GALK2: variants seen among roughly 807,000 people sequenced by gnomAD.
GALK2 encodes N-acetylgalactosamine kinase.
GALK2 carries 36 observed loss-of-function variants against 52.4 expected under a neutral mutation model. That is an observed-to-expected ratio of 0.69 (90% CI 0.53 to 0.91). The LOEUF is 0.91. GALK2 is among the 40% of genes least tolerant of loss of function. GALK2 has a pLI of 0.00. For missense variants in GALK2, 579 were observed against 559.1 expected, an observed-to-expected ratio of 1.04 and a Z score of -0.36; for synonymous variants, 176 against 199.1, an observed-to-expected ratio of 0.88 and a Z score of 0.98.
intron 2 of GALK2, among the ~76,000 whole-genome samples, chr15:49,208,880 GGACAAAGCCTTTTTACCATT>G (rs2088557240): frequency 6.6e-6 from 1 of 152,078 alleles, no homozygotes; most frequent in Non-Finnish European, 1.5e-5. Context: ...TTTTCCTGTT[GGACAAAGCCTTTTTACCATT>G]GTATAATATC....
intron 2 of GALK2, among the ~76,000 whole-genome samples, chr15:49,211,795 A>G (rs2088918294): frequency 6.6e-6 from 1 of 152,134 alleles, no homozygotes; most frequent in Non-Finnish European, 1.5e-5. Context: ...TATCATGAGA[A>G]CCACACTCAG....
chr15:49,281,070 C>T (rs774513504), intron 5 of GALK2, among the ~76,000 whole-genome samples: 5 of 152,106 alleles, frequency 3.3e-5, no homozygotes, highest in African/African-American at 4.8e-5. Flanking sequence ...CTCTTGACCT[C>T]GTGATCCGCC....
chr15:49,355,499 GATGAAATGA>G (rs2042996242), intron 3 of GALK2, among the ~76,000 whole-genome samples: 2 of 152,264 alleles, frequency 1.3e-5, no homozygotes, highest in African/African-American at 4.8e-5. Flanking sequence ...AGCGATGGAA[GATGAAATGA>G]ATGAAATGAA....
chr15:49,215,965 C>G (rs2089333461), intron 2 of GALK2, among the ~76,000 whole-genome samples: 1 of 152,216 alleles, frequency 6.6e-6, no homozygotes, highest in South Asian at 2.1e-4. Flanking sequence ...AGGAGGTGCT[C>G]TAAGCCCAGG....
At chr15:49,300,966 C>T (rs936042699) in intron 8 of GALK2, among the ~76,000 whole-genome samples, 6 of 152,240 alleles carry the variant, frequency 3.9e-5, no homozygotes, top group African/African-American at 1.4e-4. Context: ...TTTTTGTTTC[C>T]ATGTTTAACA....
At chr15:49,245,902 T>C (rs2091324759) in intron 5 of GALK2, among the ~76,000 whole-genome samples, 1 of 152,206 alleles carries the variant, frequency 6.6e-6, no homozygotes. Context: ...TTAATATGGT[T>C]GTTAACAAGC....
chr15:49,217,399 C>A, intron 3 of GALK2, 86 bp downstream of exon 3: 1 of 1,275,534 alleles, frequency 7.8e-7, no homozygotes, highest in Non-Finnish European at 1.1e-6. Flanking sequence ...AAATTTGTAA[C>A]AGGTCATTTA....
chr15:49,221,636 C>T (rs1409962795), intron 3 of GALK2, among the ~76,000 whole-genome samples: 1 of 151,508 alleles, frequency 6.6e-6, no homozygotes, highest in African/African-American at 2.4e-5. Context: ...CACTGCACTC[C>T]AGCCTGGGCA....
intron 3 of GALK2, among the ~76,000 whole-genome samples, chr15:49,228,681 A>ATTTTTTTTTTTTTTTTTTTTTT (rs1566957908): frequency 1.0e-4 from 1 of 9,658 alleles, no homozygotes; most frequent in Non-Finnish European, 2.2e-4. Flanking sequence ...ATATATATAT[A>ATTTTTTTTTTTTTTTTTTTTTT]TATATATTTT....
intron 1 of GALK2, chr15:49,170,689 C>T: frequency 6.7e-6 from 1 of 149,500 alleles, no homozygotes; most frequent in Non-Finnish European, 1.2e-5. Context: ...ACACTGAACT[C>T]CTCTCTTTGT....
chr15:49,362,605 C>T (rs551490383), intron 3 of GALK2, among the ~76,000 whole-genome samples: 5 of 152,244 alleles, frequency 3.3e-5, no homozygotes, highest in South Asian at 4.1e-4. Context: ...TCTTTTGCTG[C>T]GCAGAAGGTC....
intron 8 of GALK2, among the ~76,000 whole-genome samples, chr15:49,297,888 G>T (rs570623481): frequency 6.6e-6 from 1 of 151,550 alleles, no homozygotes; most frequent in Non-Finnish European, 1.5e-5. Flanking sequence ...CCTTAGGATT[G>T]CTTTGGCTAT....
Position 49,328,999 on chromosome 15 carries a change from T to C in GALK2, c.*840T>C, listed in dbSNP as rs1034521351. 9.7e-7 allele frequency: 1 copy of C among 1,028,118 alleles called. No individual in the cohort carries two copies. Among genetic ancestry groups the C allele is most frequent in the Non-Finnish European group, 1.2e-6 (1 of 856,736 alleles). 63.7% of individuals were successfully genotyped at this position (1,028,118 alleles called of 1,614,324 possible). ...TAATTCAGATAATTCAGTTTGTTCA[T>C]AGAATTACTTTCTTATCACTCTTTT... On this transcript the variant is annotated 3_prime_UTR_variant, in exon 10 of 10. Coordinates refer to ENST00000560031, the MANE Select transcript of GALK2 (RefSeq NM_002044.4).
At chr15:49,160,308 T>C (rs554978448) in intron 1 of GALK2, among the ~76,000 whole-genome samples, 3 of 152,220 alleles carry the variant, frequency 2.0e-5, no homozygotes, top group African/African-American at 7.2e-5. Context: ...AATAATTCCC[T>C]ATCATTCAAT....
chr15:49,302,282 G>A (rs555359113), intron 8 of GALK2, among the ~76,000 whole-genome samples: 1 of 152,148 alleles, frequency 6.6e-6, no homozygotes, highest in East Asian at 1.9e-4. Flanking sequence ...AAGGAGTAAT[G>A]ATAAAGATAG....
At chr15:49,258,408 A>G (rs915863165) in intron 5 of GALK2, among the ~76,000 whole-genome samples, 3 of 152,036 alleles carry the variant, frequency 2.0e-5, no homozygotes, top group African/African-American at 4.8e-5. Flanking sequence ...ATTTTGGGAT[A>G]AGGGCATTCC....
At chr15:49,209,043 G>C (rs907756533) in intron 2 of GALK2, among the ~76,000 whole-genome samples, 1 of 152,106 alleles carries the variant, frequency 6.6e-6, no homozygotes, top group Non-Finnish European at 1.5e-5. Context: ...GTTTATGTGA[G>C]TCCTTATGTA....
chr15:49,230,991 A>C (rs2090471027), intron 3 of GALK2, among the ~76,000 whole-genome samples: 1 of 152,278 alleles, frequency 6.6e-6, no homozygotes, highest in South Asian at 2.1e-4. Flanking sequence ...ATAACTAATC[A>C]AAAAGCAGTT....
intron 3 of GALK2, among the ~76,000 whole-genome samples, chr15:49,361,235 G>A (rs1288638197): frequency 2.0e-5 from 3 of 152,138 alleles, no homozygotes; most frequent in African/African-American, 7.2e-5. Flanking sequence ...TATTACCTAT[G>A]ATGCAAATTT....
Sources: gnomAD v4.1 joint callset for allele counts (sites outside exome capture counted in the v4.1 genomes callset) on GRCh38, gnomAD v4.1.1 for gene constraint, MANE v1.5 for transcripts, NCBI Gene and HGNC (gene_info 2026-07-23, HGNC 2026-07-21) for gene names.